RYR2: variants seen among roughly 807,000 people sequenced by gnomAD.
RYR2 encodes the protein cardiac muscle ryanodine receptor-calcium release channel.
Under a neutral mutation model 601.1 loss-of-function variants are expected in RYR2, and 227 were observed. The observed-to-expected ratio is 0.38, with a 90% CI of 0.34 to 0.42. The LOEUF (loss-of-function observed/expected upper bound fraction) is 0.42. Ranked by LOEUF, RYR2 falls within the 10% of genes least tolerant of loss-of-function variation. RYR2 has a pLI of 1.00. For synonymous variants in RYR2, 2,223 were observed against 2,175.1 expected, an observed-to-expected ratio of 1.02 and a Z score of -0.61; for missense variants, 4,646 against 6,156.5, an observed-to-expected ratio of 0.75 and a Z score of 8.21.
intron 1 of RYR2, among the ~76,000 whole-genome samples, chr1:237,093,801 G>A (rs1305640492): frequency 1.3e-5 from 2 of 152,208 alleles, no homozygotes; most frequent in Non-Finnish European, 2.9e-5. Flanking sequence ...TGCTTTTCCT[G>A]TAATTGAGAT....
At chr1:237,298,167 G>A (rs1275122111) in intron 2 of RYR2, among the ~76,000 whole-genome samples, 3 of 152,010 alleles carry the variant, frequency 2.0e-5, no homozygotes, top group Non-Finnish European at 4.4e-5. Context: ...CTTTGTCATC[G>A]TCACTCATTC....
chr1:237,663,833 G>C (rs949318184), intron 56 of RYR2, among the ~76,000 whole-genome samples: 44 of 152,244 alleles, frequency 2.9e-4, no homozygotes, highest in African/African-American at 1.0e-3. Context: ...GAAATTTACT[G>C]TCCACTTAGG....
At position 237,792,272 on chromosome 1, in the gene RYR2, T is replaced by C. The variant is rs1424050366; in HGVS notation, c.13731T>C (p.Ile4577=). ...AGCCCACGTTGCGTATCTTAGCTAT[T>C]CTGCACACGGTCATTTCTTTCTTCT... ...YMEPTLRILA[I]LHTVISFFCI... is the part of the protein sequence containing the mutation. Residue 4577 remains isoleucine (I), a synonymous_variant, in exon 94 of 105, where the codon ATT becomes ATC. Coordinates refer to ENST00000366574, the MANE Select transcript of RYR2 (RefSeq NM_001035.3). 2 of 1,613,600 alleles carry C rather than the reference T, an allele frequency of 1.2e-6. No homozygotes were observed. The highest frequency in any genetic ancestry group is 3.3e-5 in the Admixed American group (2 of 59,980).
rs139117528 is a variant in RYR2, at chr1:237,281,158, T to C, written c.168+10542T>C. 6.0e-3 allele frequency among the ~76,000 whole-genome samples: 911 copies of C among 152,274 alleles called. 11 individuals are homozygous for C. The highest frequency in any genetic ancestry group is 0.021 in the African/African-American group (869 of 41,558). On this transcript the variant is annotated intron_variant, in intron 2 of 104. Coordinates refer to ENST00000366574, the MANE Select transcript of RYR2 (RefSeq NM_001035.3). ...AGAGTGGTGACACAAAGGGCAAAGA[T>C]GACATAATTGAAATTCCCAAAATAG... is the stretch of plus-strand genomic sequence containing the variant.
chr1:237,459,227 G>C (rs1407704422), intron 16 of RYR2, among the ~76,000 whole-genome samples: 1 of 152,116 alleles, frequency 6.6e-6, no homozygotes, highest in African/African-American at 2.4e-5. Context: ...GGATAAACTC[G>C]ATGCTTAAGT....
intron 5 of RYR2, among the ~76,000 whole-genome samples, chr1:237,369,185 A>G (rs1239051118): frequency 2.0e-5 from 3 of 152,180 alleles, no homozygotes; most frequent in Non-Finnish European, 1.5e-5. Context: ...CTGGAATACA[A>G]TGGTGACTAA....
At chr1:237,487,687 C>A (rs182228919) in intron 17 of RYR2, among the ~76,000 whole-genome samples, 2 of 151,310 alleles carry the variant, frequency 1.3e-5, no homozygotes, top group South Asian at 4.2e-4. Flanking sequence ...GAGCTATAAT[C>A]GTGCCAATGC....
At chr1:237,798,801 C>CACATATAT (rs3835529) in intron 97 of RYR2, among the ~76,000 whole-genome samples, 67 of 148,306 alleles carry the variant, frequency 4.5e-4, no homozygotes, top group African/African-American at 1.6e-3. Context: ...CACACACACA[C>CACATATAT]ATATAGTGTG....
At chr1:237,762,647 C>G (rs1693519308) in intron 84 of RYR2, among the ~76,000 whole-genome samples, 1 of 152,136 alleles carries the variant, frequency 6.6e-6, no homozygotes, top group Non-Finnish European at 1.5e-5. Flanking sequence ...TTTCGAGTCC[C>G]AAGTCAGAAA....
intron 64 of RYR2, among the ~76,000 whole-genome samples, chr1:237,699,657 C>G (rs1043645658): frequency 6.6e-6 from 1 of 152,128 alleles, no homozygotes; most frequent in Non-Finnish European, 1.5e-5. Context: ...TCCATTCTTG[C>G]GTTTAAGATT....
chr1:237,397,591 A>G (rs1341317956), intron 10 of RYR2, among the ~76,000 whole-genome samples: 1 of 152,224 alleles, frequency 6.6e-6, no homozygotes. Flanking sequence ...TGCTTTGCCT[A>G]AAAATTTGGA....
At chr1:237,372,948 A>G (rs1438716237) in intron 6 of RYR2, among the ~76,000 whole-genome samples, 1 of 152,212 alleles carries the variant, frequency 6.6e-6, no homozygotes, top group Non-Finnish European at 1.5e-5. Flanking sequence ...TAGTAGAATA[A>G]TCATAGTATC....
At chr1:237,385,380 A>G (rs1205034454) in intron 8 of RYR2, among the ~76,000 whole-genome samples, 1 of 152,192 alleles carries the variant, frequency 6.6e-6, no homozygotes, top group Non-Finnish European at 1.5e-5. Flanking sequence ...CCCTGATATG[A>G]TCACTGCACA....
chr1:237,292,730 G>A (rs1209358235), intron 2 of RYR2, among the ~76,000 whole-genome samples: 1 of 152,182 alleles, frequency 6.6e-6, no homozygotes, highest in Non-Finnish European at 1.5e-5. Flanking sequence ...TTCTGCAGAA[G>A]AAATTGCTTT....
intron 53 of RYR2, among the ~76,000 whole-genome samples, chr1:237,657,734 T>C (rs961622820): frequency 1.3e-5 from 2 of 151,852 alleles, no homozygotes; most frequent in Non-Finnish European, 2.9e-5. Flanking sequence ...AAAATATGAA[T>C]CAATATAAGA....
chr1:237,148,515 T>TAAAAAA (rs372359390), intron 1 of RYR2, among the ~76,000 whole-genome samples: 4 of 105,158 alleles, frequency 3.8e-5, no homozygotes, highest in African/African-American at 1.7e-4. Context: ...GAACTTCAAG[T>TAAAAAA]AAAAAAAAAA....
intron 100 of RYR2, among the ~76,000 whole-genome samples, chr1:237,813,090 G>A (rs971187228): frequency 4.6e-5 from 7 of 151,950 alleles, no homozygotes; most frequent in South Asian, 2.1e-4. Flanking sequence ...TCTTCCATGC[G>A]CTGCCTTTAA....
chr1:237,471,087 C>A (rs1445427924), intron 17 of RYR2: 1 of 154,450 alleles, frequency 6.5e-6, no homozygotes, highest in Non-Finnish European at 1.5e-5. Context: ...GCTGGCTGCT[C>A]CACCCTAATC....
intron 27 of RYR2, among the ~76,000 whole-genome samples, chr1:237,554,745 T>C (rs745389968): frequency 6.6e-6 from 1 of 152,034 alleles, no homozygotes; most frequent in Non-Finnish European, 1.5e-5. Flanking sequence ...TCATTTAATT[T>C]AGGTTGCCAT....
Sources: allele counts gnomAD v4.1 joint callset (sites outside exome capture counted in the v4.1 genomes callset), GRCh38; gene constraint gnomAD v4.1.1; transcripts MANE v1.5; gene names NCBI Gene and HGNC (gene_info 2026-07-23, HGNC 2026-07-21).